Variants in ABCC1 observed in about 807,000 individuals in gnomAD.
The protein encoded by ABCC1 is ATP binding cassette subfamily C member 1 (ABCC1 blood group).
In ABCC1, 83 loss-of-function variants were observed where a neutral mutation model predicts 172.9. The ratio of observed to expected loss-of-function variants is 0.48; its 90% CI spans 0.40 to 0.58. ABCC1 has a LOEUF of 0.58. ABCC1 is among the 20% of genes least tolerant of loss of function. The probability of loss-of-function intolerance (pLI) is 0.00; values close to 1 mark genes in which losing one functional copy is unlikely to be tolerated. For synonymous variants in ABCC1, 937 were observed against 825.2 expected (o/e 1.14, Z -2.32); for missense variants, 1,817 against 2,002.7 (o/e 0.91, Z 1.77).
chr16:16,036,778 G>A (rs2048775871), intron 7 of ABCC1, among the ~76,000 whole-genome samples, 175 bp downstream of exon 7: 1 of 152,084 alleles, frequency 6.6e-6, no homozygotes, highest in African/African-American at 2.4e-5. Flanking sequence ...AATGGGGTAG[G>A]ATCTCACATG....
At chr16:16,136,401 G>A in intron 28 of ABCC1, 77 bp from the exon 29 acceptor site, 6 of 1,528,466 alleles carry the variant, frequency 3.9e-6, no homozygotes, top group Non-Finnish European at 5.3e-6. Context: ...GTCCTGGCCA[G>A]AAGTCCTTAG....
intron 18 of ABCC1, 112 bp downstream of exon 18, chr16:16,087,103 T>C (rs2051040201): frequency 1.6e-6 from 2 of 1,251,072 alleles, no homozygotes; most frequent in Admixed American, 2.5e-5. Flanking sequence ...TGTTTTTAAT[T>C]GGACTTTAAA....
intron 16 of ABCC1, among the ~76,000 whole-genome samples, chr16:16,081,468 G>A (rs1239344592): frequency 6.6e-6 from 1 of 152,094 alleles, no homozygotes; most frequent in African/African-American, 2.4e-5. Flanking sequence ...TTTATTATTG[G>A]TTGTTTGGCC....
intron 12 of ABCC1, among the ~76,000 whole-genome samples, chr16:16,067,356 G>A (rs1395454593): frequency 1.3e-5 from 2 of 152,300 alleles, no homozygotes; most frequent in African/African-American, 4.8e-5. Context: ...CTGGCTTCCC[G>A]TGGGACCGGG....
chr16:15,967,411 T>C (rs937713719), intron 1 of ABCC1, among the ~76,000 whole-genome samples: 1 of 151,918 alleles, frequency 6.6e-6, no homozygotes, highest in African/African-American at 2.4e-5. Context: ...GACTGATATG[T>C]GGGGAGATTC....
rs986768256 is a variant in ABCC1 at position 16,143,018 on chromosome 16, G to A, written c.*1737G>A. The A allele has an allele frequency of 3.3e-5, 5 of 152,022 alleles. No individual in the cohort carries two copies. The highest frequency in any genetic ancestry group is 1.2e-4 in the African/African-American group (5 of 41,236). The allele number at this position is 152,022 out of a possible 1,614,324, so 9.4% of individuals were successfully genotyped here. A position where few individuals can be genotyped will look rare whatever the true frequency, so the allele number is the denominator to read the frequency against. On this transcript the variant is annotated 3_prime_UTR_variant, in exon 31 of 31. Coordinates refer to ENST00000399410, the MANE Select transcript of ABCC1 (RefSeq NM_004996.4). ...TTTTGTAATGACTTACACTGGAAAT[G>A]CGAACATTTGCAGTAAAAAAATATA...
rs531278788 is a variant in ABCC1 at position 15,967,602 on chromosome 16, A to G, written c.48+17803A>G. Among the ~76,000 whole-genome samples the G allele has an allele frequency of 1.1e-3, 157 of 149,190 alleles. 4 individuals carry two copies. In the South Asian group the frequency reaches 0.032, roughly 30 times the overall value. On this transcript the variant is annotated intron_variant, in intron 1 of 30. Coordinates refer to ENST00000399410, the MANE Select transcript of ABCC1 (RefSeq NM_004996.4). ...CAAAATAATAATAATAATAATTATT[A>G]TTATTATTATTAGCTGGGCATGATG... is the stretch of plus-strand genomic sequence containing the variant.
At position 16,068,387 on chromosome 16, in the gene ABCC1, C is replaced by T. The variant is rs1280652119; in HGVS notation, c.1824+85C>T. 4.0e-6 allele frequency: 6 copies of T among 1,495,838 alleles called. No individual in the cohort carries two copies. In the East Asian group the frequency reaches 6.8e-5, roughly 17 times the overall value. The allele number at this position is 1,495,838 out of a possible 1,614,324, so 92.7% of individuals were successfully genotyped here. On this transcript the variant is annotated intron_variant, in intron 13 of 30. Transcript: ENST00000399410. ...GCATGGAAGTGCCCCCGAGCGCAGC[C>T]TCTAGATCACACTCCCGGTCGGGCT...
intron 8 of ABCC1, among the ~76,000 whole-genome samples, chr16:16,045,228 C>T (rs1160390616): frequency 6.6e-6 from 1 of 151,530 alleles, no homozygotes; most frequent in Non-Finnish European, 1.5e-5. Context: ...ATGGTAAAAC[C>T]ATCTGCTAAA....
At chr16:16,001,428 C>T (rs1489157292) in intron 1 of ABCC1, among the ~76,000 whole-genome samples, 2 of 152,078 alleles carry the variant, frequency 1.3e-5, no homozygotes, top group Admixed American at 1.3e-4. Context: ...TCTCGATCTG[C>T]TGACCTCGTG....
At chr16:15,993,149 T>C (rs969972519) in intron 1 of ABCC1, among the ~76,000 whole-genome samples, 1 of 152,178 alleles carries the variant, frequency 6.6e-6, no homozygotes, top group Non-Finnish European at 1.5e-5. Context: ...GACAGAGATA[T>C]CGTTTCTGAT....
At chr16:16,081,136 G>T (rs3851708) in intron 16 of ABCC1, among the ~76,000 whole-genome samples, 17,790 of 152,192 alleles carry the variant, frequency 0.12, 1,195 homozygotes, top group Middle Eastern at 0.22. Context: ...CCAAAGTGCT[G>T]GGATTACAGG....
intron 22 of ABCC1, among the ~76,000 whole-genome samples, chr16:16,114,397 T>C (rs1270875086): frequency 6.6e-6 from 1 of 151,332 alleles, no homozygotes; most frequent in Non-Finnish European, 1.5e-5. Context: ...TGGAGTGGAG[T>C]GGACGCAGTC....
At chr16:16,033,994 A>C (rs45541038) in intron 6 of ABCC1, among the ~76,000 whole-genome samples, 8,189 of 137,036 alleles carry the variant, frequency 0.06, 260 homozygotes, top group Middle Eastern at 0.16. Context: ...TTGTTTGAAG[A>C]ATCTTTTTTT....
At chr16:16,139,333 C>T (rs566578962) in intron 30 of ABCC1, among the ~76,000 whole-genome samples, 8 of 152,004 alleles carry the variant, frequency 5.3e-5, no homozygotes, top group East Asian at 3.9e-4. Flanking sequence ...AGAAGCAGGC[C>T]AGGTGCGGTG....
At chr16:15,988,572 C>T (rs562522424) in intron 1 of ABCC1, among the ~76,000 whole-genome samples, 9 of 152,214 alleles carry the variant, frequency 5.9e-5, no homozygotes, top group Admixed American at 1.3e-4. Flanking sequence ...TGGGGAGCAA[C>T]CTTGCAAAGA....
intron 21 of ABCC1, among the ~76,000 whole-genome samples, chr16:16,110,332 C>T (rs958870517): frequency 6.6e-6 from 1 of 152,150 alleles, no homozygotes; most frequent in African/African-American, 2.4e-5. Flanking sequence ...GATCCACTTG[C>T]CGCAGCCCCT....
chr16:15,978,318 A>AT (rs1343120319), intron 1 of ABCC1, among the ~76,000 whole-genome samples: 1 of 152,138 alleles, frequency 6.6e-6, no homozygotes, highest in Admixed American at 6.6e-5. Context: ...GTGAGCTGTG[A>AT]TTGCACACGA....
chr16:16,016,997 C>A (rs1459712299), intron 5 of ABCC1, among the ~76,000 whole-genome samples: 1 of 152,106 alleles, frequency 6.6e-6, no homozygotes, highest in African/African-American at 2.4e-5. Flanking sequence ...TCCTACAGGG[C>A]AGAGCTGAGG....
Sources: allele counts gnomAD v4.1 joint callset (sites outside exome capture counted in the v4.1 genomes callset), GRCh38; gene constraint gnomAD v4.1.1; transcripts MANE v1.5; gene names NCBI Gene and HGNC (gene_info 2026-07-23, HGNC 2026-07-21).